The following MOCOS variants were observed in gnomAD, a reference collection of about 807,000 sequenced individuals.
MOCOS encodes human molybdenum cofactor sulfurase.
Under a neutral mutation model 83.6 loss-of-function variants are expected in MOCOS, and 86 were observed. The observed-to-expected ratio is 1.03, with a 90% CI of 0.86 to 1.23. The LOEUF is 1.23. Among genes scored for constraint, MOCOS ranks in the 50% most tolerant of loss-of-function variants. The pLI is 0.00. For missense variants in MOCOS, 1,120 were observed against 1,126.9 expected, an observed-to-expected ratio of 0.99 and a Z score of 0.09; for synonymous variants, 445 against 434.7, an observed-to-expected ratio of 1.02 and a Z score of -0.29.
chr18:36,254,606 T>TAC (rs981319637), intron 11 of MOCOS, among the ~76,000 whole-genome samples: 7 of 151,012 alleles, frequency 4.6e-5, no homozygotes, highest in East Asian at 3.9e-4. Context: ...TATATATATA[T>TAC]ACACACACAC....
intron 14 of MOCOS, 31 bp downstream of exon 14, chr18:36,266,884 T>A (rs1490183964): frequency 6.5e-7 from 1 of 1,536,884 alleles, no homozygotes; most frequent in South Asian, 1.1e-5. Flanking sequence ...TGACACCTGG[T>A]TTCCAATCCT....
chr18:36,215,920 G>A lies in MOCOS; in HGVS notation c.1740G>A (p.Gly580=), dbSNP rs757534783. Residue 580 remains glycine (G), a synonymous_variant, in exon 8 of 15, where the codon GGG becomes GGA. Transcript: ENST00000261326. The part of the protein sequence containing the change: ...KAAGVLEGAL[G]PHVVTNLYLY... ...CAGGAGTCCTGGAGGGGGCCCTTGG[G>A]CCACATGTTGTCACTAACCTTTATC... 3 of 1,613,712 alleles carry A rather than the reference G, an allele frequency of 1.9e-6. No homozygotes were observed. The highest frequency in any genetic ancestry group is 3.3e-5 in the Admixed American group (2 of 60,004).
chr18:36,270,729 A>AAAAT lies in MOCOS; in HGVS notation c.*2045_*2046insAATA, dbSNP rs2091696660. 6.9e-6 allele frequency: 1 copy of AAAAT among 145,064 alleles called. No homozygotes were observed. Among genetic ancestry groups the AAAAT allele is most frequent in the Non-Finnish European group, 1.5e-5 (1 of 65,598 alleles). The allele number at this position is 145,064 out of a possible 1,614,324, so 9.0% of individuals were successfully genotyped here. On this transcript the variant is annotated 3_prime_UTR_variant, in exon 15 of 15. Coordinates refer to ENST00000261326, the MANE Select transcript of MOCOS (RefSeq NM_017947.4). ...TCCATCTCAAAAAAAAAAAAAAAAA[A>AAAAT]ATTAGGTCACTTTTGTCATCAAGAA...
intron 13 of MOCOS, among the ~76,000 whole-genome samples, chr18:36,262,295 G>A (rs1051373538): frequency 1.8e-4 from 2 of 11,358 alleles, no homozygotes; most frequent in Admixed American, 7.4e-4. Flanking sequence ...AGCCAGGCAC[G>A]GTGATGTGCG....
intron 13 of MOCOS, among the ~76,000 whole-genome samples, chr18:36,262,475 A>G (rs1568070504): frequency 6.6e-6 from 1 of 152,084 alleles, no homozygotes; most frequent in African/African-American, 2.4e-5. Flanking sequence ...ACGAGCATTA[A>G]AGAGCATAAG....
chr18:36,250,927 T>C (rs79241099), intron 10 of MOCOS, among the ~76,000 whole-genome samples: 1 of 152,284 alleles, frequency 6.6e-6, no homozygotes, highest in African/African-American at 2.4e-5. Context: ...AAAAGGTCTT[T>C]CCAGGAGAAA....
chr18:36,201,426 G>C (rs1315754745), intron 4 of MOCOS, among the ~76,000 whole-genome samples: 1 of 152,084 alleles, frequency 6.6e-6, no homozygotes, highest in Non-Finnish European at 1.5e-5. Context: ...CACTTTGGGA[G>C]GCCAAGGTGG....
chr18:36,264,500 T>A (rs990576010), intron 13 of MOCOS, among the ~76,000 whole-genome samples: 10 of 152,136 alleles, frequency 6.6e-5, no homozygotes, highest in Non-Finnish European at 1.5e-4. Flanking sequence ...GGGATCCTCG[T>A]GTATAATAGT....
At chr18:36,240,742 G>T (rs1026806294) in intron 9 of MOCOS, among the ~76,000 whole-genome samples, 1 of 152,164 alleles carries the variant, frequency 6.6e-6, no homozygotes, top group African/African-American at 2.4e-5. Context: ...CCTCGCTGCC[G>T]CCTTGCAGTT....
intron 9 of MOCOS, among the ~76,000 whole-genome samples, chr18:36,236,034 C>G: frequency 7.1e-6 from 1 of 139,884 alleles, no homozygotes; most frequent in Admixed American, 7.4e-5. Flanking sequence ...GATATTAGCC[C>G]TTTGTCAGAT....
intron 13 of MOCOS, among the ~76,000 whole-genome samples, chr18:36,261,782 A>C (rs915226997): frequency 2.0e-5 from 3 of 151,130 alleles, no homozygotes; most frequent in African/African-American, 7.3e-5. Context: ...ATCCTTACTT[A>C]CTCTTCCTTA....
At chr18:36,209,946 T>C (rs2091448159) in intron 6 of MOCOS, among the ~76,000 whole-genome samples, 1 of 152,156 alleles carries the variant, frequency 6.6e-6, no homozygotes, top group African/African-American at 2.4e-5. Flanking sequence ...TCAATTAATC[T>C]GCCCACCTTG....
chr18:36,215,642 ACT>A lies in MOCOS; in HGVS notation c.1464_1465del (p.Arg489ProfsTer15). 1 of 1,613,962 alleles carries A rather than the reference ACT, an allele frequency of 6.2e-7. No individual in the cohort carries two copies. Among genetic ancestry groups the A allele is most frequent in the Non-Finnish European group, 8.5e-7 (1 of 1,179,990 alleles). On this transcript the variant is annotated frameshift_variant, in exon 8 of 15. Coordinates refer to ENST00000261326, the MANE Select transcript of MOCOS (RefSeq NM_017947.4). LOFTEE classifies it high-confidence loss of function. ...VQAFLRFIID[T>X]RLHSSGDWPV... is the part of the protein sequence containing the mutation. Reference sequence around the variant, plus strand: ...GGCCTTTCTTAGGTTCATCATAGACACTCGCCTGCACTCATCAGGGGACTGGC... The same window carrying A: ...GGCCTTTCTTAGGTTCATCATAGACACGCCTGCACTCATCAGGGGACTGGC...
chr18:36,195,467 A>G (rs1458794203), intron 2 of MOCOS, 121 bp downstream of exon 2: 4 of 940,798 alleles, frequency 4.3e-6, no homozygotes, highest in Admixed American at 3.9e-5. Flanking sequence ...AATAAGCCCC[A>G]TGTAAGATAG....
chr18:36,244,925 T>C (rs1216515168), intron 9 of MOCOS, among the ~76,000 whole-genome samples: 6 of 152,182 alleles, frequency 3.9e-5, no homozygotes, highest in Non-Finnish European at 7.4e-5. Flanking sequence ...GTTTGTTTTG[T>C]CTGCTATAAG....
chr18:36,253,257 G>A (rs1297091644), intron 11 of MOCOS, among the ~76,000 whole-genome samples: 2 of 152,170 alleles, frequency 1.3e-5, no homozygotes, highest in Non-Finnish European at 2.9e-5. Flanking sequence ...CCAGCAGATA[G>A]CAATGCTGCA....
chr18:36,222,618 T>TC (rs1241016103), intron 9 of MOCOS, among the ~76,000 whole-genome samples: 2 of 151,468 alleles, frequency 1.3e-5, no homozygotes, highest in African/African-American at 4.8e-5. Context: ...TTTTTTTTTT[T>TC]AGAGACAGAG....
chr18:36,223,967 G>A (rs1045418139), intron 9 of MOCOS, among the ~76,000 whole-genome samples: 1 of 152,140 alleles, frequency 6.6e-6, no homozygotes, highest in African/African-American at 2.4e-5. Flanking sequence ...GAGTAGCTGG[G>A]ACAACAGGCA....
At chr18:36,224,790 TGTTCCCTCCTCTTA>T (rs1198400800) in intron 9 of MOCOS, among the ~76,000 whole-genome samples, 1 of 152,222 alleles carries the variant, frequency 6.6e-6, no homozygotes, top group Non-Finnish European at 1.5e-5. Flanking sequence ...AGTTTGGGAA[TGTTCCCTCCTCTTA>T]GTTTTTAAGT....
Sources: allele counts gnomAD v4.1 joint callset (sites outside exome capture counted in the v4.1 genomes callset), GRCh38; gene constraint gnomAD v4.1.1; transcripts MANE v1.5; gene names NCBI Gene and HGNC (gene_info 2026-07-23, HGNC 2026-07-21).